Variants in SPTB observed in about 807,000 individuals in gnomAD.
SPTB encodes spectrin beta chain, erythrocytic.
A neutral mutation model predicts 256.2 loss-of-function variants in SPTB; 45 were observed. The ratio of observed to expected loss-of-function variants is 0.18; its 90% confidence interval spans 0.14 to 0.23. SPTB has a LOEUF of 0.23. Ranked by LOEUF, SPTB falls within the 10% of genes least tolerant of loss-of-function variation. The pLI, the probability that SPTB is intolerant of heterozygous loss-of-function variation, is 1.00. For missense variants in SPTB, 2,715 were observed against 3,040.4 expected, an observed-to-expected ratio of 0.89 and a Z score of 2.52; for synonymous variants, 1,231 against 1,243.1, an observed-to-expected ratio of 0.99 and a Z score of 0.21.
intron 1 of SPTB, among the ~76,000 whole-genome samples, chr14:64,877,471 A>T (rs1290571950): frequency 6.6e-6 from 1 of 152,200 alleles, no homozygotes; most frequent in African/African-American, 2.4e-5. Context: ...ATCTCTCATT[A>T]GCTGGGTAAT....
At chr14:64,754,148 T>C (rs748286209) in intron 32 of SPTB, 4 of 401,508 alleles carry the variant, frequency 1.0e-5, no homozygotes, top group Non-Finnish European at 1.9e-5. Flanking sequence ...GTTCCAATGC[T>C]GCTGGCAAAG....
Position 64,822,964 on chromosome 14 carries a change from C to T in SPTB, c.131G>A (p.Arg44Gln), listed in dbSNP as rs1351487127. Residue 44 changes from arginine to glutamine, a missense_variant, in exon 2 of 36, where the codon CGG becomes CAG. Physicochemically the swap from Arg to Gln is conservative, Grantham distance 43. Coordinates refer to ENST00000644917, the MANE Select transcript of SPTB (RefSeq NM_001355436.2). ...NSSARLFERS[R>Q]IKALADEREV... ...AACAGTACCTGCCAAGGCCTTTATC[C>T]GGGACCTCTCAAAGAGCCTGGCTGA... 1.9e-6 allele frequency: 3 copies of T among 1,613,724 alleles called. No homozygotes were observed. Among genetic ancestry groups the T allele is most frequent in the East Asian group, 2.2e-5 (1 of 44,878 alleles).
rs907265840 is a variant in SPTB at position 64,771,281 on chromosome 14, T to C, written c.5554-152A>G. 7.4e-6 allele frequency: 9 copies of C among 1,221,760 alleles called. No individual in the cohort carries two copies. The Admixed American group carries it at 1.6e-4, about 22-fold the overall frequency. 75.7% of individuals were successfully genotyped at this position (1,221,760 alleles called of 1,614,324 possible). ...TTCAGCCTCCACCCAGTGGGTGCTG[T>C]AGGAGAAGACTCCTTGCTTTAACAC... On this transcript the variant is annotated intron_variant, in intron 26 of 35. Coordinates refer to ENST00000644917, the MANE Select transcript of SPTB (RefSeq NM_001355436.2).
rs900325107 is a variant in SPTB at position 64,826,625 on chromosome 14, C to CT, written c.-51-3481dup. ...AAACCCAGGAAAAAAGGCATAAGTA[C>CT]TTCCTTGTCCATTCATTCCCTGGCT... On this transcript the variant is annotated intron_variant, in intron 1 of 35. Transcript: ENST00000644917. The surrounding 1 kb of genome is among the most constrained non-coding windows in gnomAD (Gnocchi z 4.4). Among the ~76,000 whole-genome samples the CT allele has an allele frequency of 2.6e-5, 4 of 152,114 alleles. No individual in the cohort carries two copies. The highest frequency in any genetic ancestry group is 7.2e-5 in the African/African-American group (3 of 41,406).
At chr14:64,850,823 G>C (rs1339082508) in intron 1 of SPTB, among the ~76,000 whole-genome samples, 1 of 152,050 alleles carries the variant, frequency 6.6e-6, no homozygotes, top group African/African-American at 2.4e-5. Context: ...GTCAAACTCT[G>C]TTCTTCTGAA....
At chr14:64,784,205 T>C in intron 19 of SPTB, 42 bp downstream of exon 19, 1 of 1,613,354 alleles carries the variant, frequency 6.2e-7, no homozygotes, top group South Asian at 1.1e-5. Flanking sequence ...GGCAAGCCTA[T>C]CTGAGCAGAG....
rs1342480393 is a variant in SPTB, at chr14:64,806,119, C to G, written c.149-1029G>C. ...AAGATGCTGGAGAGAGGACAGAAGA[C>G]TGGGATGGCACAAAAAAAAGAGAGA... On this transcript the variant is annotated intron_variant, in intron 2 of 35. Coordinates refer to ENST00000644917, the MANE Select transcript of SPTB (RefSeq NM_001355436.2). This position sits in a 1 kb window ranked among gnomAD's most constrained non-coding sequence, Gnocchi z 4.1. Among the ~76,000 whole-genome samples the G allele has an allele frequency of 2.1e-5, 3 of 144,024 alleles. No homozygotes were observed. Among genetic ancestry groups the G allele is most frequent in the Non-Finnish European group, 4.5e-5 (3 of 67,412 alleles). The allele number at this position is 144,024 out of a possible 152,430, so 94.5% of individuals were successfully genotyped here.
Position 64,796,858 on chromosome 14 carries a change from A to T in SPTB, c.1183-143T>A. On this transcript the variant is annotated intron_variant, in intron 10 of 35. Coordinates refer to ENST00000644917, the MANE Select transcript of SPTB (RefSeq NM_001355436.2). The surrounding 1 kb of genome is among the most constrained non-coding windows in gnomAD (Gnocchi z 4.1). ...CTTGGGTGACGTGGTAGCAGATTAA[A>T]GATCAATAAAAGCCTTTGGCTTTCA... 9.1e-7 allele frequency: 1 copy of T among 1,094,734 alleles called. No homozygotes were observed. The highest frequency in any genetic ancestry group is 1.4e-5 in the South Asian group (1 of 73,782). The allele number at this position is 1,094,734 out of a possible 1,614,324, so 67.8% of individuals were successfully genotyped here. A position where few individuals can be genotyped will look rare whatever the true frequency, so the allele number is the denominator to read the frequency against.
chr14:64,878,402 A>T (rs544311207), intron 1 of SPTB, among the ~76,000 whole-genome samples: 46 of 152,296 alleles, frequency 3.0e-4, no homozygotes, highest in African/African-American at 1.1e-3. Flanking sequence ...ACTTAGAAAA[A>T]AAAAGGTGTT....
At chr14:64,865,375 A>G (rs1882109536) in intron 1 of SPTB, among the ~76,000 whole-genome samples, 1 of 151,900 alleles carries the variant, frequency 6.6e-6, no homozygotes, top group Admixed American at 6.6e-5. Flanking sequence ...GCAGGGTGAG[A>G]TGTAAAGTGA....
rs911781071 is a variant in SPTB at position 64,759,633 on chromosome 14, C to T, written c.6346-5840G>A. Among the ~76,000 whole-genome samples the T allele has an allele frequency of 2.6e-5, 4 of 152,220 alleles. No individual in the cohort carries two copies. The highest frequency in any genetic ancestry group is 4.1e-4 in the South Asian group (2 of 4,834). The stretch of plus-strand genomic sequence containing the variant: ...TGTGGCTGAGATGTGACTAAGGGAC[C>T]GGCAGGTTCTGCCCAAAGGCAGCAT... On this transcript the variant is annotated intron_variant, in intron 32 of 35. Coordinates refer to ENST00000644917, the MANE Select transcript of SPTB (RefSeq NM_001355436.2). The surrounding 1 kb of genome is among the most constrained non-coding windows in gnomAD (Gnocchi z 4.8).
intron 18 of SPTB, 69 bp from the exon 19 acceptor site, chr14:64,784,462 A>C (rs1326791410): frequency 1.3e-6 from 2 of 1,589,138 alleles, no homozygotes; most frequent in Non-Finnish European, 1.7e-6. Context: ...CCTGCTGCCC[A>C]TCCCTGGCTG....
At chr14:64,834,694 G>T (rs2083496045) in intron 1 of SPTB, among the ~76,000 whole-genome samples, 1 of 152,020 alleles carries the variant, frequency 6.6e-6, no homozygotes, top group Non-Finnish European at 1.5e-5. Context: ...CAAAGTGCTG[G>T]GATTACAGGC....
At position 64,795,338 on chromosome 14, in the gene SPTB, T is replaced by C. The variant is rs2139602054; in HGVS notation, c.1643A>G (p.Lys548Arg). Residue 548 changes from lysine to arginine, a missense_variant and splice_region_variant, in exon 12 of 36, where the codon AAG (lysine) becomes AGG (arginine). Physicochemically the swap from Lys to Arg is conservative, Grantham distance 26. Coordinates refer to ENST00000644917, the MANE Select transcript of SPTB (RefSeq NM_001355436.2). This position sits in a 1 kb window ranked among gnomAD's most constrained non-coding sequence, Gnocchi z 6.5. ...LHSIDWMDEI[K>R]AHLLSAEFGK... ...GCGGGGGCGGCCCCCAGGGCCCACC[T>C]TGATCTCATCCATCCAGTCGATGCT... 1 of 1,605,086 alleles carries C rather than the reference T, an allele frequency of 6.2e-7. No homozygotes were observed. The highest frequency in any genetic ancestry group is 8.5e-7 in the Non-Finnish European group (1 of 1,179,910).
Position 64,772,741 on chromosome 14 carries a change from C to G in SPTB, c.5392G>C (p.Asp1798His). The stretch of plus-strand genomic sequence containing the variant: ...CCCGTGTAGAAGTAGCGGTGCAGGT[C>G]ATAGGAGGCGGCCAGCAGCTGCATG... ...TRMQLLAASYDLHRYFYTGAE... is the reference protein window; with the variant it reads ...TRMQLLAASYHLHRYFYTGAE... Residue 1798 changes from aspartate to histidine, a missense_variant, in exon 26 of 36, where the codon GAC becomes CAC. Physicochemically the swap from Asp to His is moderately conservative, Grantham distance 81 (BLOSUM62 -1). Coordinates refer to ENST00000644917, the MANE Select transcript of SPTB (RefSeq NM_001355436.2). The surrounding 1 kb of genome is among the most constrained non-coding windows in gnomAD (Gnocchi z 5.4). 6.2e-7 allele frequency: 1 copy of G among 1,613,916 alleles called. No individual in the cohort carries two copies. Among genetic ancestry groups the G allele is most frequent in the Non-Finnish European group, 8.5e-7 (1 of 1,180,026 alleles).
chr14:64,764,285 T>G lies in SPTB; in HGVS notation c.6345+2441A>C, dbSNP rs1215791443. ...GCTTTCCCGACAGGCTCTGTCCTCCTCTTTCTTGCATCGAAGGTGGATGGG... is the reference window on the plus strand; with the variant it reads ...GCTTTCCCGACAGGCTCTGTCCTCCGCTTTCTTGCATCGAAGGTGGATGGG... On this transcript the variant is annotated intron_variant, in intron 32 of 35. Coordinates refer to ENST00000644917, the MANE Select transcript of SPTB (RefSeq NM_001355436.2). This position sits in a 1 kb window ranked among gnomAD's most constrained non-coding sequence, Gnocchi z 4.2. 1.3e-5 allele frequency among the ~76,000 whole-genome samples: 2 copies of G among 152,220 alleles called. No homozygotes were observed. The highest frequency in any genetic ancestry group is 4.8e-5 in the African/African-American group (2 of 41,462).
intron 22 of SPTB, among the ~76,000 whole-genome samples, chr14:64,776,840 C>T (rs1456869681): frequency 6.6e-6 from 1 of 152,206 alleles, no homozygotes; most frequent in Non-Finnish European, 1.5e-5. Context: ...CATTCAACAA[C>T]TATGTATTAA....
chr14:64,755,120 GAC>G (rs1271765069), intron 32 of SPTB: 1 of 152,328 alleles, frequency 6.6e-6, no homozygotes, highest in Non-Finnish European at 1.5e-5. Context: ...AACAGCTGAA[GAC>G]AGAGGTCCAG....
rs1198500074 is a variant in SPTB at position 64,749,792 on chromosome 14, T to G, written c.6777-96A>C. 6.5e-7 allele frequency: 1 copy of G among 1,530,520 alleles called. No individual in the cohort carries two copies. The highest frequency in any genetic ancestry group is 8.9e-7 in the Non-Finnish European group (1 of 1,118,788). The allele number at this position is 1,530,520 out of a possible 1,614,324, so 94.8% of individuals were successfully genotyped here. ...ATCCCACAATACCCTGAGCCGAACA[T>G]CCAGACCCCTCTCAGGCAGCCCAGC... On this transcript the variant is annotated intron_variant, in intron 34 of 35. Transcript: ENST00000644917. The surrounding 1 kb of genome is among the most constrained non-coding windows in gnomAD (Gnocchi z 4.7).
Sources: allele counts gnomAD v4.1 joint callset (sites outside exome capture counted in the v4.1 genomes callset), GRCh38; gene constraint gnomAD v4.1.1; non-coding constraint Gnocchi (gnomAD v3.1); transcripts MANE v1.5; gene names NCBI Gene and HGNC (gene_info 2026-07-23, HGNC 2026-07-21).